CACNA1E: variants seen among roughly 807,000 people sequenced by gnomAD.
CACNA1E encodes voltage-dependent R-type calcium channel subunit alpha-1E.
Under a neutral mutation model 259.2 loss-of-function variants are expected in CACNA1E, and 40 were observed. The ratio of observed to expected loss-of-function variants is 0.15; its 90% CI spans 0.12 to 0.20. The LOEUF (loss-of-function observed/expected upper bound fraction) is 0.20, where lower values mean the gene tolerates loss of function less well. CACNA1E is among the 10% of genes least tolerant of loss of function. The probability of loss-of-function intolerance (pLI) is 1.00; values close to 1 mark genes in which losing one functional copy is unlikely to be tolerated. For missense variants in CACNA1E, 1,874 were observed against 3,040.1 expected, an observed-to-expected ratio of 0.62 and a Z score of 9.02; for synonymous variants, 1,104 against 1,138.5, an observed-to-expected ratio of 0.97 and a Z score of 0.61.
At chr1:181,593,642 G>A (rs1336108088) in intron 6 of CACNA1E, among the ~76,000 whole-genome samples, 3 of 152,118 alleles carry the variant, frequency 2.0e-5, no homozygotes, top group South Asian at 2.1e-4. Context: ...GGGTTCAAGC[G>A]ATTCTTCTGC....
intron 7 of CACNA1E, among the ~76,000 whole-genome samples, chr1:181,669,633 AT>A (rs1335184278): frequency 6.6e-6 from 1 of 152,216 alleles, no homozygotes; most frequent in African/African-American, 2.4e-5. Context: ...TTTCCCCAGC[AT>A]TTAGCAAGCA....
Position 181,579,058 on chromosome 1 carries a change from G to A in CACNA1E, c.617-14G>A. ...GGGACAGCTGCATTGGTCATTCTCT[G>A]TCCTTCCTTCTAGGCCTGCAGATTG... On this transcript the variant is annotated splice_polypyrimidine_tract_variant and intron_variant, in intron 4 of 47. Transcript: ENST00000367573. The A allele has an allele frequency of 6.3e-7, 1 of 1,595,446 alleles. No homozygotes were observed. Among genetic ancestry groups the A allele is most frequent in the Non-Finnish European group, 8.5e-7 (1 of 1,171,856 alleles).
At chr1:181,488,053 AGCACTCTG>A (rs1664000275) in intron 1 of CACNA1E, among the ~76,000 whole-genome samples, 2 of 152,222 alleles carry the variant, frequency 1.3e-5, no homozygotes. Flanking sequence ...GTATCCCCAA[AGCACTCTG>A]GCTATGGATC....
intron 3 of CACNA1E, among the ~76,000 whole-genome samples, chr1:181,543,300 G>C (rs1668736831): frequency 6.6e-6 from 1 of 152,142 alleles, no homozygotes; most frequent in Non-Finnish European, 1.5e-5. Context: ...GGGAACCACT[G>C]TTCACTAGGG....
chr1:181,665,020 T>C (rs1159795818), intron 7 of CACNA1E, among the ~76,000 whole-genome samples: 3 of 152,192 alleles, frequency 2.0e-5, no homozygotes, highest in Non-Finnish European at 4.4e-5. Flanking sequence ...CATTCTCTGT[T>C]CAAGTTTTCA....
At chr1:181,753,612 T>A (rs531325809) in intron 27 of CACNA1E, among the ~76,000 whole-genome samples, 1 of 152,242 alleles carries the variant, frequency 6.6e-6, no homozygotes, top group South Asian at 2.1e-4. Context: ...CTGGGCCTGC[T>A]CTCCCAAGCC....
At chr1:181,728,721 G>T (rs1478384987) in intron 18 of CACNA1E, among the ~76,000 whole-genome samples, 2 of 151,600 alleles carry the variant, frequency 1.3e-5, no homozygotes, top group African/African-American at 4.9e-5. Flanking sequence ...GCTCTGCACA[G>T]GTATGTGTAC....
intron 1 of CACNA1E, among the ~76,000 whole-genome samples, chr1:181,369,650 C>T (rs1267523679): frequency 3.9e-5 from 6 of 152,148 alleles, no homozygotes; most frequent in Admixed American, 3.9e-4. Context: ...GCCAGACTAA[C>T]CACACTGCCC....
intron 6 of CACNA1E, among the ~76,000 whole-genome samples, chr1:181,612,923 T>C (rs1309343932): frequency 6.6e-6 from 1 of 152,238 alleles, no homozygotes; most frequent in Non-Finnish European, 1.5e-5. Context: ...TTGATTTTTA[T>C]GTGTGTTGTG....
intron 3 of CACNA1E, among the ~76,000 whole-genome samples, chr1:181,572,220 C>G (rs1013170227): frequency 2.6e-5 from 4 of 152,080 alleles, no homozygotes; most frequent in African/African-American, 9.7e-5. Context: ...AAAGGGAATG[C>G]AAGGTTGGAG....
intron 3 of CACNA1E, among the ~76,000 whole-genome samples, chr1:181,554,385 G>A (rs1278804524): frequency 6.6e-6 from 1 of 152,058 alleles, no homozygotes; most frequent in African/African-American, 2.4e-5. Context: ...CTCTGACAGG[G>A]GTTCAATCTA....
chr1:181,748,224 TG>T (rs1657279640), intron 25 of CACNA1E, among the ~76,000 whole-genome samples: 1 of 152,200 alleles, frequency 6.6e-6, no homozygotes, highest in South Asian at 2.1e-4. Flanking sequence ...CCCAGTGGTT[TG>T]GCAGCCACGT....
At chr1:181,565,883 G>GT (rs894835010) in intron 3 of CACNA1E, among the ~76,000 whole-genome samples, 2 of 54,712 alleles carry the variant, frequency 3.7e-5, no homozygotes. Flanking sequence ...TCCTGGTCCT[G>GT]GGGGGTACCT....
intron 7 of CACNA1E, among the ~76,000 whole-genome samples, chr1:181,672,435 G>A (rs967167724): frequency 1.3e-5 from 2 of 152,202 alleles, no homozygotes; most frequent in Non-Finnish European, 2.9e-5. Flanking sequence ...TGCCCTAGTG[G>A]ATTAAGTAAC....
intron 2 of CACNA1E, among the ~76,000 whole-genome samples, chr1:181,465,630 T>C (rs1662107319): frequency 6.6e-6 from 1 of 152,176 alleles, no homozygotes; most frequent in Non-Finnish European, 1.5e-5. Context: ...TCTATTGCCT[T>C]TAATTTCAAT....
At chr1:181,677,549 G>A (rs1413645730) in intron 7 of CACNA1E, among the ~76,000 whole-genome samples, 1 of 152,150 alleles carries the variant, frequency 6.6e-6, no homozygotes, top group Non-Finnish European at 1.5e-5. Flanking sequence ...AGTACACTTG[G>A]CTAGTGTGCA....
chr1:181,561,705 T>G (rs1217827008), intron 3 of CACNA1E, among the ~76,000 whole-genome samples: 1 of 152,240 alleles, frequency 6.6e-6, no homozygotes, highest in Non-Finnish European at 1.5e-5. Flanking sequence ...TTTCAGTTGT[T>G]TTCAGTTTGG....
In CACNA1E at chr1:181,756,937, C is replaced by T. The variant is rs1658139747; in HGVS notation, c.4140C>T (p.His1380=). The T allele has an allele frequency of 2.5e-6, 4 of 1,612,116 alleles. No individual in the cohort carries two copies. Among genetic ancestry groups the T allele is most frequent in the South Asian group, 2.2e-5 (2 of 91,028 alleles). The change falls in exon 30 of 48, where the codon CAC becomes CAT. Residue 1380 remains histidine, a synonymous_variant. Coordinates refer to ENST00000367573, the MANE Select transcript of CACNA1E (RefSeq NM_001205293.3). Reference sequence around the variant, plus strand: ...TCTGTCCCCATAGAGTTCTGCAGCACTCTGTAGATGTGACAGAGGAAGACC... The same window carrying T: ...TCTGTCCCCATAGAGTTCTGCAGCATTCTGTAGATGTGACAGAGGAAGACC... ...TGEGWPQVLQ[H]SVDVTEEDRG... is the part of the protein sequence containing the mutation.
At chr1:181,763,122 G>T (rs145326092) in intron 33 of CACNA1E, among the ~76,000 whole-genome samples, 5 of 152,212 alleles carry the variant, frequency 3.3e-5, no homozygotes, top group African/African-American at 7.2e-5. Context: ...GCATTTAAGT[G>T]CAGACTTCAG....
Sources: gnomAD v4.1 joint callset for allele counts (sites outside exome capture counted in the v4.1 genomes callset) on GRCh38, gnomAD v4.1.1 for gene constraint, MANE v1.5 for transcripts, NCBI Gene and HGNC (gene_info 2026-07-23, HGNC 2026-07-21) for gene names.